The following CTNND2 variants were observed in gnomAD, a reference collection of about 807,000 sequenced individuals.
The protein encoded by CTNND2 is catenin delta-2.
Under a neutral mutation model 144.4 loss-of-function variants are expected in CTNND2, and 22 were observed. That is an observed-to-expected ratio of 0.15 (90% CI 0.11 to 0.22). The LOEUF is 0.22. Among genes scored for constraint, CTNND2 ranks in the 10% least tolerant of loss-of-function variants. CTNND2 has a pLI of 1.00. For synonymous variants in CTNND2, 751 were observed against 695.6 expected (o/e 1.08, Z -1.25); for missense variants, 1,353 against 1,618.8 (o/e 0.84, Z 2.82).
intron 3 of CTNND2, 107 bp from the exon 4 acceptor site, chr5:11,412,176 TGCA>T: frequency 1.3e-6 from 1 of 756,810 alleles, no homozygotes; most frequent in South Asian, 1.7e-5. Context: ...GTGGCCCCGT[TGCA>T]TTTCCTTTCA....
chr5:10,991,436 G>A (rs1013663018), intron 19 of CTNND2, among the ~76,000 whole-genome samples: 5 of 152,110 alleles, frequency 3.3e-5, no homozygotes, highest in African/African-American at 4.8e-5. Flanking sequence ...CATATAACTT[G>A]TTATCCATCT....
intron 1 of CTNND2, among the ~76,000 whole-genome samples, chr5:11,760,451 CAATG>C (rs1315643516): frequency 6.6e-6 from 1 of 152,110 alleles, no homozygotes; most frequent in African/African-American, 2.4e-5. Flanking sequence ...ATATGTAAGA[CAATG>C]AGACATAACT....
intron 1 of CTNND2, among the ~76,000 whole-genome samples, chr5:11,770,541 C>T (rs1324982719): frequency 6.6e-6 from 1 of 152,110 alleles, no homozygotes; most frequent in Non-Finnish European, 1.5e-5. Flanking sequence ...TATTTCCCAT[C>T]ATTCAGGAAC....
chr5:11,250,489 C>CTATATATA (rs1161027337), intron 9 of CTNND2, among the ~76,000 whole-genome samples: 3 of 68,066 alleles, frequency 4.4e-5, no homozygotes, highest in African/African-American at 2.2e-4. Flanking sequence ...CTCTCTCTCT[C>CTATATATA]TCTATATATA....
At chr5:11,326,438 G>A (rs1752528236) in intron 9 of CTNND2, among the ~76,000 whole-genome samples, 2 of 152,100 alleles carry the variant, frequency 1.3e-5, no homozygotes, top group Admixed American at 6.6e-5. Context: ...GTAGACATTG[G>A]CCAAGTGAGT....
chr5:11,272,442 C>T (rs1320571235), intron 9 of CTNND2, among the ~76,000 whole-genome samples: 2 of 152,064 alleles, frequency 1.3e-5, no homozygotes, highest in African/African-American at 2.4e-5. Flanking sequence ...TATTTTGAAT[C>T]AAGACCCACA....
At chr5:11,367,325 T>A (rs946551591) in intron 7 of CTNND2, among the ~76,000 whole-genome samples, 3 of 152,178 alleles carry the variant, frequency 2.0e-5, no homozygotes, top group Admixed American at 6.5e-5. Flanking sequence ...AGGTTAAAGA[T>A]GTCACTGCTG....
intron 2 of CTNND2, among the ~76,000 whole-genome samples, chr5:11,720,354 T>C (rs1337080297): frequency 6.6e-6 from 1 of 152,232 alleles, no homozygotes; most frequent in Non-Finnish European, 1.5e-5. Context: ...AGTTATTCCT[T>C]TCAGGCTTAA....
intron 1 of CTNND2, among the ~76,000 whole-genome samples, chr5:11,857,537 A>G (rs900202724): frequency 9.9e-5 from 15 of 152,202 alleles, no homozygotes; most frequent in African/African-American, 3.6e-4. Flanking sequence ...CTGTGTCCTA[A>G]TGAGGCCTGC....
chr5:11,464,710 G>A (rs933167462), intron 3 of CTNND2, among the ~76,000 whole-genome samples: 1 of 152,194 alleles, frequency 6.6e-6, no homozygotes, highest in African/African-American at 2.4e-5. Context: ...GACCAGGGAG[G>A]AGAGAAGGTG....
intron 2 of CTNND2, among the ~76,000 whole-genome samples, chr5:11,710,134 G>A (rs1785941902): frequency 1.3e-5 from 2 of 152,114 alleles, no homozygotes; most frequent in African/African-American, 4.8e-5. Flanking sequence ...GAGAAGGGCA[G>A]GCAAAGGAAA....
At chr5:11,790,875 C>T (rs1177310494) in intron 1 of CTNND2, among the ~76,000 whole-genome samples, 2 of 152,138 alleles carry the variant, frequency 1.3e-5, no homozygotes, top group African/African-American at 2.4e-5. Context: ...CAGATAGATA[C>T]GTTGAGGGCT....
Position 11,351,251 on chromosome 5 carries a change from G to GA in CTNND2, c.1373-4625_1373-4624insT, listed in dbSNP as rs778331933. On this transcript the variant is annotated intron_variant, in intron 8 of 21. Transcript: ENST00000304623. ...TACTCTATCCAATTGAACCCACTCAGGGCAAACACTGGAGAGGGAAGGTGC... is the reference window on the plus strand; with the variant it reads ...TACTCTATCCAATTGAACCCACTCAGAGGCAAACACTGGAGAGGGAAGGTGC... Among the ~76,000 whole-genome samples the GA allele has an allele frequency of 1.2e-4, 18 of 152,248 alleles. No individual in the cohort carries two copies. The Middle Eastern group carries it at 0.01, about 86-fold the overall frequency.
At chr5:11,865,342 C>T (rs1353412781) in intron 1 of CTNND2, among the ~76,000 whole-genome samples, 3 of 152,078 alleles carry the variant, frequency 2.0e-5, no homozygotes, top group Non-Finnish European at 4.4e-5. Flanking sequence ...GCCTATCTGT[C>T]ACTGAAAGGA....
chr5:11,262,766 A>G (rs1383617582), intron 9 of CTNND2, among the ~76,000 whole-genome samples: 1 of 136,332 alleles, frequency 7.3e-6, no homozygotes, highest in African/African-American at 2.7e-5. Context: ...TGTCTCAAAA[A>G]AAAAAAAAAA....
chr5:11,836,277 T>C (rs1028548023), intron 1 of CTNND2, among the ~76,000 whole-genome samples: 7 of 152,194 alleles, frequency 4.6e-5, no homozygotes, highest in Non-Finnish European at 1.0e-4. Flanking sequence ...AGTGCTAAAA[T>C]GATCATGATT....
chr5:11,493,311 A>G (rs1363968045), intron 3 of CTNND2, among the ~76,000 whole-genome samples: 1 of 152,170 alleles, frequency 6.6e-6, no homozygotes, highest in Non-Finnish European at 1.5e-5. Context: ...TAACTGAGGT[A>G]CAGGGGAAGG....
At chr5:11,078,186 T>C (rs1749148798) in intron 16 of CTNND2, among the ~76,000 whole-genome samples, 1 of 152,206 alleles carries the variant, frequency 6.6e-6, no homozygotes, top group Admixed American at 6.5e-5. Context: ...GGTCCAAGAT[T>C]AACCTTTCAT....
rs151031759 is a variant in CTNND2, at chr5:11,351,656, T to C, written c.1373-5029A>G. Among the ~76,000 whole-genome samples the C allele has an allele frequency of 1.2e-4, 18 of 151,972 alleles. No individual in the cohort carries two copies. The East Asian group carries it at 2.9e-3, about 24-fold the overall frequency. On this transcript the variant is annotated intron_variant, in intron 8 of 21. Transcript: ENST00000304623. Reference sequence around the variant, plus strand: ...TGGAAAAAAGGAGAACAGAATAAAATACAAGAATCTGGGCACACAGTTACA... The same window carrying C: ...TGGAAAAAAGGAGAACAGAATAAAACACAAGAATCTGGGCACACAGTTACA...
Sources: gnomAD v4.1 joint callset for allele counts (sites outside exome capture counted in the v4.1 genomes callset) on GRCh38, gnomAD v4.1.1 for gene constraint, MANE v1.5 for transcripts, NCBI Gene and HGNC (gene_info 2026-07-23, HGNC 2026-07-21) for gene names.